GFRAL: variants seen among roughly 807,000 people sequenced by gnomAD.
The protein encoded by GFRAL is GDNF family receptor alpha-like.
Under a neutral mutation model 45.4 loss-of-function variants are expected in GFRAL, and 36 were observed. The observed-to-expected ratio is 0.79, with a 90% CI of 0.61 to 1.05. The LOEUF is 1.05. GFRAL is among the 50% of genes least tolerant of loss of function. GFRAL has a pLI of 0.00. For missense variants in GFRAL, 507 were observed against 467.5 expected, an observed-to-expected ratio of 1.08 and a Z score of -0.78; for synonymous variants, 166 against 154.1, an observed-to-expected ratio of 1.08 and a Z score of -0.57.
intron 6 of GFRAL, among the ~76,000 whole-genome samples, chr6:55,364,351 T>G (rs1467910614): frequency 1.3e-5 from 2 of 150,134 alleles, no homozygotes; most frequent in Admixed American, 6.6e-5. Flanking sequence ...CTTTGTCGGA[T>G]GAGTAGGTTG....
chr6:55,400,904 T>C (rs555449302), intron 8 of GFRAL, among the ~76,000 whole-genome samples: 1 of 152,300 alleles, frequency 6.6e-6, no homozygotes, highest in African/African-American at 2.4e-5. Context: ...AAAAACATCT[T>C]ACTTTAATGG....
At chr6:55,382,267 A>G (rs768031405) in intron 6 of GFRAL, among the ~76,000 whole-genome samples, 1 of 151,936 alleles carries the variant, frequency 6.6e-6, no homozygotes, top group Non-Finnish European at 1.5e-5. Context: ...ATTATTCCTT[A>G]AGGATCTTGT....
rs140407984 is a variant in GFRAL at position 55,339,677 on chromosome 6, C to G, written c.316+5733C>G. ...TCTGAAAAGTCAAAAAAGATAGGGACTGATAATGGCATTAATTTGCTACTT... is the reference window on the plus strand; with the variant it reads ...TCTGAAAAGTCAAAAAAGATAGGGAGTGATAATGGCATTAATTTGCTACTT... On this transcript the variant is annotated intron_variant, in intron 3 of 8. Coordinates refer to ENST00000340465, the MANE Select transcript of GFRAL (RefSeq NM_207410.2). 3.5e-3 allele frequency among the ~76,000 whole-genome samples: 534 copies of G among 152,168 alleles called. 2 individuals carry two copies. The highest frequency in any genetic ancestry group is 7.1e-3 in the Admixed American group (109 of 15,280).
intron 6 of GFRAL, among the ~76,000 whole-genome samples, chr6:55,397,966 T>C (rs950932985): frequency 3.9e-5 from 6 of 152,202 alleles, no homozygotes; most frequent in Non-Finnish European, 5.9e-5. Context: ...CCTAAAGTAT[T>C]TAGTACAATA....
intron 3 of GFRAL, among the ~76,000 whole-genome samples, chr6:55,344,660 TA>T (rs1768014465): frequency 6.6e-6 from 1 of 152,218 alleles, no homozygotes; most frequent in South Asian, 2.1e-4. Context: ...TCACCACTCC[TA>T]TTCAACATAG....
chr6:55,398,668 A>C (rs755995320), intron 6 of GFRAL, among the ~76,000 whole-genome samples: 14 of 152,208 alleles, frequency 9.2e-5, no homozygotes, highest in Non-Finnish European at 1.9e-4. Context: ...ATGGCCAAGA[A>C]GACTAGCACC....
chr6:55,399,733 C>T (rs11757215), intron 8 of GFRAL, among the ~76,000 whole-genome samples: 6,102 of 152,110 alleles, frequency 0.04, 169 homozygotes, highest in African/African-American at 0.063. Context: ...GCTTCCCTAC[C>T]AAATCCAAAT....
At chr6:55,378,878 G>A (rs962413476) in intron 6 of GFRAL, among the ~76,000 whole-genome samples, 1 of 151,924 alleles carries the variant, frequency 6.6e-6, no homozygotes, top group African/African-American at 2.4e-5. Flanking sequence ...ATCTGTGCAT[G>A]GACAGTAAAC....
chr6:55,358,813 A>C, intron 5 of GFRAL, 75 bp from the exon 6 acceptor site: 1 of 1,378,180 alleles, frequency 7.3e-7, no homozygotes, highest in Non-Finnish European at 1.0e-6. Context: ...GTCTTTCATT[A>C]GGTGAGGGGG....
intron 4 of GFRAL, among the ~76,000 whole-genome samples, chr6:55,350,738 AT>A (rs1338983050): frequency 6.6e-6 from 1 of 152,098 alleles, no homozygotes; most frequent in East Asian, 1.9e-4. Context: ...TTTAATAGGT[AT>A]TTGTGATCAT....
At chr6:55,338,907 T>A (rs1194274663) in intron 3 of GFRAL, among the ~76,000 whole-genome samples, 1 of 152,136 alleles carries the variant, frequency 6.6e-6, no homozygotes, top group East Asian at 1.9e-4. Context: ...CTATTACATA[T>A]TTTAAATAGA....
chr6:55,344,161 A>G (rs1768007682), intron 3 of GFRAL, among the ~76,000 whole-genome samples: 1 of 152,170 alleles, frequency 6.6e-6, no homozygotes, highest in South Asian at 2.1e-4. Context: ...CAATAGAAAA[A>G]GAGGGAATGC....
At chr6:55,352,882 C>A (rs1386263443) in intron 5 of GFRAL, among the ~76,000 whole-genome samples, 1 of 151,882 alleles carries the variant, frequency 6.6e-6, no homozygotes, top group Non-Finnish European at 1.5e-5. Context: ...CTACTCTAGG[C>A]AATGGCGAAT....
At chr6:55,389,985 T>G (rs1402834936) in intron 6 of GFRAL, among the ~76,000 whole-genome samples, 2 of 152,354 alleles carry the variant, frequency 1.3e-5, no homozygotes, top group African/African-American at 4.8e-5. Context: ...AAAATAACAC[T>G]GCTGCATAAT....
chr6:55,346,153 A>T (rs530305405), intron 3 of GFRAL, among the ~76,000 whole-genome samples: 18 of 152,186 alleles, frequency 1.2e-4, no homozygotes, highest in Non-Finnish European at 2.5e-4. Context: ...GGGATCTAGA[A>T]CTAGAAATAC....
intron 6 of GFRAL, among the ~76,000 whole-genome samples, chr6:55,365,572 G>C (rs1163777224): frequency 9.6e-6 from 1 of 104,258 alleles, no homozygotes; most frequent in African/African-American, 4.4e-5. Context: ...TATTGGCTGT[G>C]GGTTTGTCAT....
chr6:55,338,593 C>G (rs1384789875), intron 3 of GFRAL, among the ~76,000 whole-genome samples: 1 of 152,034 alleles, frequency 6.6e-6, no homozygotes, highest in Non-Finnish European at 1.5e-5. Flanking sequence ...CACACACAGA[C>G]AAAGTACTAG....
intron 3 of GFRAL, among the ~76,000 whole-genome samples, chr6:55,345,173 C>G (rs1768021353): frequency 6.6e-6 from 1 of 152,080 alleles, no homozygotes; most frequent in African/African-American, 2.4e-5. Context: ...ACTTCCTTCA[C>G]AGAATTGGAA....
At chr6:55,340,957 G>A (rs996913051) in intron 3 of GFRAL, among the ~76,000 whole-genome samples, 36 of 152,184 alleles carry the variant, frequency 2.4e-4, no homozygotes, top group African/African-American at 8.4e-4. Flanking sequence ...AAACTGCAAG[G>A]CAGCAGCGAG....
Sources: allele counts gnomAD v4.1 joint callset (sites outside exome capture counted in the v4.1 genomes callset), GRCh38; gene constraint gnomAD v4.1.1; transcripts MANE v1.5; gene names NCBI Gene and HGNC (gene_info 2026-07-23, HGNC 2026-07-21).